TPO: variants seen among roughly 807,000 people sequenced by gnomAD.
TPO encodes the protein thyroid peroxidase.
Under a neutral mutation model 96.9 loss-of-function variants are expected in TPO, and 78 were observed. That is an observed-to-expected ratio of 0.81 (90% CI 0.67 to 0.97). The LOEUF is 0.97. Among genes scored for constraint, TPO ranks in the 50% least tolerant of loss-of-function variants. TPO has a pLI of 0.00. For synonymous variants in TPO, 547 were observed against 538.0 expected, an observed-to-expected ratio of 1.02 and a Z score of -0.23; for missense variants, 1,252 against 1,274.8, an observed-to-expected ratio of 0.98 and a Z score of 0.27.
At chr2:1,525,042 C>A (rs1172835314) in intron 15 of TPO, among the ~76,000 whole-genome samples, 3 of 68,942 alleles carry the variant, frequency 4.4e-5, no homozygotes, top group African/African-American at 1.6e-4. Context: ...CTCTGTGCAA[C>A]CTCCCCCTAT....
In TPO at chr2:1,504,586, C is replaced by T. The variant is rs577429902; in HGVS notation, c.2518+507C>T. On this transcript the variant is annotated intron_variant, in intron 14 of 16. Transcript: ENST00000329066. ...TGCCTCGGATGGCCTTGTCCAGTCC[C>T]CCAGCTCTGCACTCAGCTCAGGGAC... is the stretch of plus-strand genomic sequence containing the variant. Among the ~76,000 whole-genome samples, 11 of 152,358 alleles carry T rather than the reference C, an allele frequency of 7.2e-5. No individual in the cohort carries two copies. The South Asian group carries it at 1.7e-3, about 23-fold the overall frequency.
At chr2:1,448,898 C>A (rs969521679) in intron 5 of TPO, among the ~76,000 whole-genome samples, 1 of 152,202 alleles carries the variant, frequency 6.6e-6, no homozygotes, top group African/African-American at 2.4e-5. Context: ...CAAGCCGGGA[C>A]TGGGTTCCCC....
At chr2:1,382,163 G>A (rs1387916922) in intron 1 of TPO, among the ~76,000 whole-genome samples, 1 of 152,172 alleles carries the variant, frequency 6.6e-6, no homozygotes, top group East Asian at 1.9e-4. Context: ...TGCCCACGTA[G>A]AACCCGGGAG....
At chr2:1,433,322 C>A in intron 3 of TPO, 116 bp from the exon 4 acceptor site, 2 of 1,349,864 alleles carry the variant, frequency 1.5e-6, no homozygotes, top group Non-Finnish European at 2.1e-6. Flanking sequence ...CAGTGCCTGT[C>A]ACATTGTCTG....
chr2:1,541,261 C>T (rs1024905834), intron 16 of TPO: 13 of 1,039,744 alleles, frequency 1.3e-5, no homozygotes, highest in African/African-American at 3.3e-5. Context: ...GTCACAGGCA[C>T]AAAGTCTCAG....
chr2:1,512,865 C>A (rs1309835175), intron 14 of TPO, among the ~76,000 whole-genome samples: 2 of 152,218 alleles, frequency 1.3e-5, no homozygotes, highest in Admixed American at 6.5e-5. Context: ...GTGCTTCCCC[C>A]ACCACCAGCA....
chr2:1,522,776 C>A (rs1181693878), intron 15 of TPO, among the ~76,000 whole-genome samples: 3 of 138,720 alleles, frequency 2.2e-5, no homozygotes, highest in Non-Finnish European at 4.7e-5. Context: ...CTGTGTGCAA[C>A]CTCCTCAAAT....
chr2:1,494,459 G>C (rs1672130370), intron 11 of TPO, among the ~76,000 whole-genome samples: 1 of 152,222 alleles, frequency 6.6e-6, no homozygotes, highest in African/African-American at 2.4e-5. Context: ...CCTCTAGGCT[G>C]GACAGGACTT....
In TPO at chr2:1,484,763, G is replaced by A. The variant is rs773237793; in HGVS notation, c.1506G>A (p.Arg502=). 12 of 1,613,990 alleles carry A rather than the reference G, an allele frequency of 7.4e-6. No individual in the cohort carries two copies. Among genetic ancestry groups the A allele is most frequent in the Admixed American group, 3.3e-5 (2 of 60,004 alleles). Residue 502 remains arginine (R), a synonymous_variant, in exon 9 of 17, where the codon AGG becomes AGA. Coordinates refer to ENST00000329066, the MANE Select transcript of TPO (RefSeq NM_001206744.2). ...FGHATIHPLV[R]RLDASFQEHP... ...ATGCCACGATCCACCCGCTGGTGAG[G>A]AGGCTGGACGCCAGCTTCCAGGAGC...
chr2:1,415,211 C>A (rs9678341), intron 2 of TPO, among the ~76,000 whole-genome samples: 1 of 137,090 alleles, frequency 7.3e-6, no homozygotes, highest in African/African-American at 2.9e-5. Context: ...CACACAGTCC[C>A]GGGGCCCCTG....
chr2:1,438,725 A>C, intron 5 of TPO: 2 of 688,820 alleles, frequency 2.9e-6, no homozygotes, highest in Non-Finnish European at 2.6e-6. Context: ...AGTAGGCCTC[A>C]CACATGATCT....
intron 15 of TPO, among the ~76,000 whole-genome samples, chr2:1,518,908 G>C (rs1045331814): frequency 4.6e-5 from 7 of 152,200 alleles, no homozygotes; most frequent in African/African-American, 1.7e-4. Context: ...TAAGGTCTCT[G>C]CAGGTGTAAT....
chr2:1,517,506 GGTGCGGCA>G, intron 15 of TPO, among the ~76,000 whole-genome samples: 1 of 152,060 alleles, frequency 6.6e-6, no homozygotes, highest in Non-Finnish European at 1.5e-5. Flanking sequence ...GGCTTCCTCA[GGTGCGGCA>G]GCTGGTCCAT....
intron 1 of TPO, among the ~76,000 whole-genome samples, chr2:1,382,417 C>T (rs1661824533): frequency 6.6e-6 from 1 of 152,244 alleles, no homozygotes; most frequent in African/African-American, 2.4e-5. Flanking sequence ...GCGCACACCC[C>T]TCTTGCCCAT....
intron 1 of TPO, among the ~76,000 whole-genome samples, chr2:1,392,647 A>T (rs762081127): frequency 1.3e-5 from 2 of 151,872 alleles, no homozygotes; most frequent in South Asian, 2.1e-4. Context: ...ACTGGTTGGT[A>T]GGCTATTATT....
At chr2:1,497,180 GTCC>G (rs1672441904) in intron 13 of TPO, among the ~76,000 whole-genome samples, 1 of 152,176 alleles carries the variant, frequency 6.6e-6, no homozygotes, top group South Asian at 2.1e-4. Context: ...CCCATGCCTG[GTCC>G]TCCTCCAGCC....
chr2:1,494,996 G>T (rs992348518), intron 11 of TPO, among the ~76,000 whole-genome samples: 4 of 152,158 alleles, frequency 2.6e-5, no homozygotes, highest in African/African-American at 9.7e-5. Flanking sequence ...GTGCGGTTTG[G>T]AATTCTCTGG....
intron 15 of TPO, among the ~76,000 whole-genome samples, chr2:1,528,740 A>G (rs1210899026): frequency 8.4e-6 from 1 of 118,966 alleles, no homozygotes; most frequent in Non-Finnish European, 1.6e-5. Context: ...AACCTCCCCA[A>G]ATCCCCCACA....
At chr2:1,403,949 G>C (rs1662209389) in intron 1 of TPO, among the ~76,000 whole-genome samples, 1 of 152,230 alleles carries the variant, frequency 6.6e-6, no homozygotes, top group South Asian at 2.1e-4. Context: ...ATGGGGGCCT[G>C]TCTGTTACTG....
Sources: gnomAD v4.1 joint callset for allele counts (sites outside exome capture counted in the v4.1 genomes callset) on GRCh38, gnomAD v4.1.1 for gene constraint, MANE v1.5 for transcripts, NCBI Gene and HGNC (gene_info 2026-07-23, HGNC 2026-07-21) for gene names.